The following MLLT10 variants were observed in gnomAD, a reference collection of about 807,000 sequenced individuals.
MLLT10 encodes the protein protein AF-10.
Under a neutral mutation model 129.1 loss-of-function variants are expected in MLLT10, and 30 were observed. The ratio of observed to expected loss-of-function variants is 0.23; its 90% CI spans 0.17 to 0.32. The LOEUF is 0.32. Among genes scored for constraint, MLLT10 ranks in the 10% least tolerant of loss-of-function variants. The pLI, the probability that MLLT10 is intolerant of heterozygous loss-of-function variation, is 1.00. For missense variants in MLLT10, 1,119 were observed against 1,268.3 expected (o/e 0.88, Z 1.79); for synonymous variants, 490 against 446.4 (o/e 1.10, Z -1.23).
intron 4 of MLLT10, among the ~76,000 whole-genome samples, chr10:21,589,496 C>A (rs535276612): frequency 6.6e-6 from 1 of 151,976 alleles, no homozygotes; most frequent in Admixed American, 6.6e-5. Flanking sequence ...CTGGTGTAAA[C>A]CTTCCATCTT....
intron 12 of MLLT10, 98 bp downstream of exon 12, chr10:21,681,474 T>C: frequency 1.3e-6 from 1 of 791,048 alleles, no homozygotes; most frequent in South Asian, 1.7e-5. Context: ...ATTTTAATAT[T>C]CCAAAATGCA....
intron 3 of MLLT10, among the ~76,000 whole-genome samples, chr10:21,571,030 C>A (rs997241157): frequency 6.6e-6 from 1 of 152,110 alleles, no homozygotes; most frequent in Non-Finnish European, 1.5e-5. Flanking sequence ...TTCATGTTTT[C>A]TTTGACTGGA....
chr10:21,650,276 A>G (rs1190081080), intron 8 of MLLT10, among the ~76,000 whole-genome samples: 1 of 152,068 alleles, frequency 6.6e-6, no homozygotes, highest in African/African-American at 2.4e-5. Flanking sequence ...GCTGGAGCCT[A>G]GGAGGTTGAG....
intron 7 of MLLT10, 108 bp from the exon 8 acceptor site, chr10:21,617,001 CAGT>C (rs1166748975): frequency 1.0e-5 from 4 of 388,106 alleles, no homozygotes; most frequent in African/African-American, 2.1e-5. Context: ...TTAAAAATTT[CAGT>C]AGACATTAAA....
chr10:21,735,667 G>A (rs534294513), intron 21 of MLLT10, among the ~76,000 whole-genome samples: 7 of 152,290 alleles, frequency 4.6e-5, no homozygotes, highest in African/African-American at 1.2e-4. Flanking sequence ...AGCACAGACC[G>A]ATGTGAGAGT....
intron 5 of MLLT10, among the ~76,000 whole-genome samples, chr10:21,596,307 A>G (rs1486930331): frequency 5.9e-5 from 9 of 152,166 alleles, no homozygotes. Flanking sequence ...GAACTTACAC[A>G]GCATCTTTTG....
chr10:21,624,610 A>C, intron 8 of MLLT10: 1 of 1,415,404 alleles, frequency 7.1e-7, no homozygotes, highest in Non-Finnish European at 9.5e-7. Flanking sequence ...GTTGCCCATA[A>C]GTATCCTGAT....
chr10:21,736,203 G>A (rs1193477045), intron 21 of MLLT10, among the ~76,000 whole-genome samples: 1 of 152,116 alleles, frequency 6.6e-6, no homozygotes, highest in African/African-American at 2.4e-5. Flanking sequence ...AGGCAAAAGT[G>A]GAAAAAGGGA....
chr10:21,740,074 C>G lies in MLLT10; in HGVS notation c.3000C>G (p.His1000Gln). Residue 1000 changes from histidine to glutamine, a missense_variant, in exon 22 of 23, where the codon CAC (histidine) becomes CAG (glutamine). By Grantham distance (24) the His-to-Gln change is conservative (BLOSUM62 0). This residue lies in a region of MLLT10 where 1,004 missense variants were observed against 1,008.7 expected (regional missense o/e 1.00). Transcript: ENST00000307729. ...AFLYQLMQHH[H>Q]QQHHQPELQQ... The stretch of plus-strand genomic sequence containing the variant: ...TGTATCAGTTAATGCAACATCACCA[C>G]CAGCAGCACCACCAACCTGAACTTC... The G allele has an allele frequency of 6.2e-7, 1 of 1,613,770 alleles. No individual in the cohort carries two copies. The highest frequency in any genetic ancestry group is 8.5e-7 in the Non-Finnish European group (1 of 1,179,840).
chr10:21,546,105 T>C (rs184873057), intron 3 of MLLT10, among the ~76,000 whole-genome samples: 1 of 152,340 alleles, frequency 6.6e-6, no homozygotes, highest in East Asian at 1.9e-4. Flanking sequence ...TTTGAGACAG[T>C]CTTGCTCCAT....
intron 8 of MLLT10, among the ~76,000 whole-genome samples, chr10:21,644,077 A>G (rs1718954014): frequency 6.6e-6 from 1 of 151,950 alleles, no homozygotes; most frequent in South Asian, 2.1e-4. Flanking sequence ...TAACCTTATT[A>G]CTTTGGTTAT....
At chr10:21,651,903 C>CT (rs775460288) in intron 9 of MLLT10, 135 bp downstream of exon 9, 11,253 of 133,486 alleles carry the variant, frequency 0.084, 1,542 homozygotes, top group Non-Finnish European at 0.11. Flanking sequence ...ATTCTCATTT[C>CT]TTTTTTTTTT....
chr10:21,541,006 A>G (rs1343877697), intron 3 of MLLT10, among the ~76,000 whole-genome samples: 1 of 152,072 alleles, frequency 6.6e-6, no homozygotes, highest in Non-Finnish European at 1.5e-5. Flanking sequence ...CTAAAAATAC[A>G]AAAATTAGCT....
chr10:21,600,132 T>A (rs537825953), intron 5 of MLLT10, among the ~76,000 whole-genome samples: 1 of 152,176 alleles, frequency 6.6e-6, no homozygotes, highest in Non-Finnish European at 1.5e-5. Flanking sequence ...GTTTCTGGAC[T>A]TTTTATGTGT....
At chr10:21,681,921 G>A (rs2052777110) in intron 12 of MLLT10, among the ~76,000 whole-genome samples, 1 of 151,954 alleles carries the variant, frequency 6.6e-6, no homozygotes, top group African/African-American at 2.4e-5. Context: ...ACATTACGTT[G>A]ACATAAATGT....
In MLLT10 at chr10:21,638,136, G is replaced by A. The variant is rs192167685; in HGVS notation, c.700-13537G>A. Among the ~76,000 whole-genome samples the A allele has an allele frequency of 2.0e-3, 300 of 151,590 alleles. 1 individual carries two copies. The highest frequency in any genetic ancestry group is 3.6e-3 in the Non-Finnish European group (245 of 67,894). ...GGGGAGAATACCTTTTGCACTTATG[G>A]ATGGGTAAAGATAAGCATATAATAC... is the stretch of plus-strand genomic sequence containing the variant. On this transcript the variant is annotated intron_variant, in intron 8 of 22. Transcript: ENST00000307729.
intron 17 of MLLT10, among the ~76,000 whole-genome samples, chr10:21,732,264 A>G (rs541700976): frequency 2.6e-5 from 4 of 152,280 alleles, no homozygotes; most frequent in African/African-American, 9.6e-5. Flanking sequence ...AAGGAATTGA[A>G]GTACTTGAGG....
intron 20 of MLLT10, among the ~76,000 whole-genome samples, chr10:21,734,433 G>T (rs2058198712): frequency 6.6e-6 from 1 of 152,132 alleles, no homozygotes; most frequent in South Asian, 2.1e-4. Context: ...TCTGAAGAAA[G>T]ATATCGTAGT....
At chr10:21,620,533 TGTAAG>T (rs1454405689) in intron 8 of MLLT10, among the ~76,000 whole-genome samples, 1 of 152,200 alleles carries the variant, frequency 6.6e-6, no homozygotes, top group Non-Finnish European at 1.5e-5. Context: ...ATGGGGTTAT[TGTAAG>T]GTGAGGAGCA....
Sources: allele counts gnomAD v4.1 joint callset (sites outside exome capture counted in the v4.1 genomes callset), GRCh38; gene constraint gnomAD v4.1.1; regional missense constraint gnomAD v4.1.1; transcripts MANE v1.5; gene names NCBI Gene and HGNC (gene_info 2026-07-23, HGNC 2026-07-21).